ARID4B: variants seen among roughly 807,000 people sequenced by gnomAD.
ARID4B encodes AT-rich interactive domain-containing protein 4B.
In ARID4B, 26 loss-of-function variants were observed where a neutral mutation model predicts 147.5. That is an observed-to-expected ratio of 0.18 (90% CI 0.13 to 0.24). The LOEUF is 0.24. Among genes scored for constraint, ARID4B ranks in the 10% least tolerant of loss-of-function variants. The pLI is 1.00. For synonymous variants in ARID4B, 512 were observed against 507.9 expected (o/e 1.01, Z -0.11); for missense variants, 1,179 against 1,511.5 (o/e 0.78, Z 3.65).
intron 23 of ARID4B, among the ~76,000 whole-genome samples, chr1:235,171,853 GC>G (rs1468915451): frequency 6.6e-6 from 1 of 152,048 alleles, no homozygotes; most frequent in African/African-American, 2.4e-5. Context: ...TGTTGGCCAA[GC>G]TGGTCTCGAC....
At chr1:235,221,772 T>G in intron 13 of ARID4B, 110 bp from the exon 14 acceptor site, 2 of 434,004 alleles carry the variant, frequency 4.6e-6, no homozygotes, top group Non-Finnish European at 7.9e-6. Context: ...GGTCCTAGAC[T>G]CAAAAGAATT....
intron 2 of ARID4B, among the ~76,000 whole-genome samples, chr1:235,280,052 C>T (rs938796559): frequency 2.0e-5 from 3 of 152,122 alleles, no homozygotes; most frequent in Admixed American, 6.5e-5. Context: ...ACACTGAGTC[C>T]TGTGAGCGCA....
At chr1:235,300,008 A>C (rs1010226878) in intron 2 of ARID4B, among the ~76,000 whole-genome samples, 2 of 152,168 alleles carry the variant, frequency 1.3e-5, no homozygotes, top group Admixed American at 1.3e-4. Flanking sequence ...CCCACATGTT[A>C]CTCTACCCTC....
chr1:235,223,618 T>C (rs1023465691), intron 12 of ARID4B, among the ~76,000 whole-genome samples: 2 of 150,726 alleles, frequency 1.3e-5, no homozygotes, highest in Admixed American at 6.6e-5. Flanking sequence ...GAGTTACTTT[T>C]ATGGCATTTT....
At chr1:235,172,940 C>T (rs187830122) in intron 22 of ARID4B, among the ~76,000 whole-genome samples, 176 bp from the exon 23 acceptor site, 1 of 152,244 alleles carries the variant, frequency 6.6e-6, no homozygotes, top group Middle Eastern at 3.4e-3. Flanking sequence ...ATGCCTGGCA[C>T]ATAATAAATG....
At chr1:235,238,827 C>T (rs1342421760) in intron 8 of ARID4B, among the ~76,000 whole-genome samples, 2 of 150,734 alleles carry the variant, frequency 1.3e-5, no homozygotes, top group Admixed American at 1.3e-4. Context: ...TGCACTCTAA[C>T]CTGGGTAACG....
At chr1:235,272,815 T>C (rs1452217907) in intron 2 of ARID4B, among the ~76,000 whole-genome samples, 2 of 121,982 alleles carry the variant, frequency 1.6e-5, no homozygotes, top group African/African-American at 5.5e-5. Flanking sequence ...TAAATGTCTA[T>C]ATTAATTTAT....
At chr1:235,245,978 G>C (rs1669278220) in intron 7 of ARID4B, among the ~76,000 whole-genome samples, 1 of 152,160 alleles carries the variant, frequency 6.6e-6, no homozygotes, top group African/African-American at 2.4e-5. Flanking sequence ...ACAGGGGAGA[G>C]AAACATCTCT....
At chr1:235,266,448 A>G (rs965008258) in intron 2 of ARID4B, among the ~76,000 whole-genome samples, 7 of 152,306 alleles carry the variant, frequency 4.6e-5, no homozygotes, top group African/African-American at 1.7e-4. Flanking sequence ...AAGGAAATTA[A>G]ACTACTAAAT....
At chr1:235,319,846 A>T (rs1268722852) in intron 2 of ARID4B, among the ~76,000 whole-genome samples, 2 of 151,930 alleles carry the variant, frequency 1.3e-5, no homozygotes, top group African/African-American at 4.8e-5. Context: ...ACAAAAAAAA[A>T]GGCCGGGCGA....
intron 23 of ARID4B, among the ~76,000 whole-genome samples, chr1:235,170,669 C>T (rs1012399010): frequency 1.3e-5 from 2 of 151,888 alleles, no homozygotes; most frequent in East Asian, 3.9e-4. Flanking sequence ...ACCCGGGAGG[C>T]GGAGCTTGCA....
intron 8 of ARID4B, among the ~76,000 whole-genome samples, chr1:235,235,987 G>A (rs1445232647): frequency 2.7e-5 from 4 of 149,036 alleles, no homozygotes; most frequent in South Asian, 2.1e-4. Context: ...GTGCAGTGGC[G>A]TGATCACGAC....
chr1:235,300,648 A>G (rs901398831), intron 2 of ARID4B, among the ~76,000 whole-genome samples: 10 of 152,090 alleles, frequency 6.6e-5, no homozygotes, highest in Admixed American at 6.6e-5. Context: ...TATTATTACT[A>G]TATTTAGCTT....
chr1:235,168,684 A>C (rs1376253116), intron 23 of ARID4B, 32 bp from the exon 24 acceptor site: 2 of 1,596,014 alleles, frequency 1.3e-6, no homozygotes, highest in Admixed American at 3.5e-5. Context: ...CCAAGAGCTT[A>C]ATAAAAATTT....
At chr1:235,181,270 C>A (rs1335499372) in intron 20 of ARID4B, 1 of 583,334 alleles carries the variant, frequency 1.7e-6, no homozygotes, top group East Asian at 5.2e-5. Flanking sequence ...GCTGCTCATG[C>A]CATATAGTCA....
In ARID4B at chr1:235,273,131, A is replaced by G. The variant is rs1412520791; in HGVS notation, c.7-12379T>C. Among the ~76,000 whole-genome samples the G allele has an allele frequency of 3.3e-4, 50 of 152,166 alleles. 1 individual carries two copies. Among genetic ancestry groups the G allele is most frequent in the Admixed American group, 3.3e-3 (50 of 15,270 alleles). On this transcript the variant is annotated intron_variant, in intron 2 of 23. Transcript: ENST00000264183. ...TGGCTCACTGCAACCTCTGCCTCCCAGGTTCAAGTGATTCTCCTGCCTCAG... is the reference window on the plus strand; with the variant it reads ...TGGCTCACTGCAACCTCTGCCTCCCGGGTTCAAGTGATTCTCCTGCCTCAG...
At chr1:235,325,940 T>C (rs1675202655) in intron 2 of ARID4B, among the ~76,000 whole-genome samples, 2 of 152,178 alleles carry the variant, frequency 1.3e-5, no homozygotes, top group Non-Finnish European at 2.9e-5. Context: ...ACAAGTGAAA[T>C]ATTTTTTTAA....
At chr1:235,275,196 A>C (rs1031887852) in intron 2 of ARID4B, among the ~76,000 whole-genome samples, 1 of 152,218 alleles carries the variant, frequency 6.6e-6, no homozygotes, top group Non-Finnish European at 1.5e-5. Context: ...ACAAGTATCA[A>C]TTACAAGTTA....
At chr1:235,262,604 T>A (rs1572102994) in intron 2 of ARID4B, among the ~76,000 whole-genome samples, 1 of 152,136 alleles carries the variant, frequency 6.6e-6, no homozygotes, top group East Asian at 1.9e-4. Flanking sequence ...AAAATTATGG[T>A]TACATTCCAG....
Sources: allele counts gnomAD v4.1 joint callset (sites outside exome capture counted in the v4.1 genomes callset), GRCh38; gene constraint gnomAD v4.1.1; transcripts MANE v1.5; gene names NCBI Gene and HGNC (gene_info 2026-07-23, HGNC 2026-07-21).